Variants in ANKS1A observed in about 807,000 individuals in gnomAD.
ANKS1A encodes ankyrin repeat and SAM domain-containing protein 1A.
In ANKS1A, 55 loss-of-function variants were observed where a neutral mutation model predicts 120.3. The ratio of observed to expected loss-of-function variants is 0.46; its 90% CI spans 0.37 to 0.57. The LOEUF is 0.57. Ranked by LOEUF, ANKS1A falls within the 20% of genes least tolerant of loss-of-function variation. The pLI is 0.00. For synonymous variants in ANKS1A, 590 were observed against 604.7 expected (o/e 0.98, Z 0.36); for missense variants, 1,123 against 1,480.3 (o/e 0.76, Z 3.96).
intron 1 of ANKS1A, among the ~76,000 whole-genome samples, chr6:34,895,252 T>C (rs1481105908): frequency 6.6e-6 from 1 of 151,784 alleles, no homozygotes; most frequent in Non-Finnish European, 1.5e-5. Context: ...CTTGCTAATG[T>C]TGTCCAGGCT....
chr6:35,008,632 C>T (rs185650943), intron 10 of ANKS1A, among the ~76,000 whole-genome samples: 107 of 152,292 alleles, frequency 7.0e-4, no homozygotes, highest in Admixed American at 1.0e-3. Flanking sequence ...GGAACAAGTC[C>T]AAGCCTTATG....
chr6:34,967,195 G>C (rs80085216), intron 1 of ANKS1A, 44 bp from the exon 2 acceptor site: 1 of 1,595,886 alleles, frequency 6.3e-7, no homozygotes, highest in Admixed American at 1.7e-5. Flanking sequence ...TTGTGACTTC[G>C]GTCTGTGAAA....
chr6:35,005,567 G>A (rs1236687698), intron 10 of ANKS1A, among the ~76,000 whole-genome samples: 4 of 152,206 alleles, frequency 2.6e-5, no homozygotes, highest in African/African-American at 9.6e-5. Flanking sequence ...GGGAATTATT[G>A]AGATAAAAGC....
chr6:34,999,426 G>C (rs536333664), intron 10 of ANKS1A, among the ~76,000 whole-genome samples: 8 of 152,332 alleles, frequency 5.3e-5, no homozygotes, highest in Admixed American at 3.9e-4. Flanking sequence ...AAAAGTGTGT[G>C]TGTGCCCTTT....
intron 1 of ANKS1A, among the ~76,000 whole-genome samples, 199 bp from the exon 2 acceptor site, chr6:34,967,040 C>T (rs1266583769): frequency 2.6e-5 from 4 of 152,224 alleles, no homozygotes; most frequent in Non-Finnish European, 1.5e-5. Flanking sequence ...CTCTGTTCAG[C>T]AAACCATTGC....
At chr6:34,988,552 C>T (rs867408398) in intron 8 of ANKS1A, among the ~76,000 whole-genome samples, 47 of 152,112 alleles carry the variant, frequency 3.1e-4, no homozygotes, top group African/African-American at 9.9e-4. Flanking sequence ...GCCGAGATCG[C>T]GCCACTGCAC....
In ANKS1A at chr6:34,970,157, C is replaced by T. The variant is rs772509792; in HGVS notation, c.426C>T (p.Val142=). Residue 142 remains valine, a synonymous_variant, in exon 3 of 24, where the codon GTC becomes GTT. Transcript: ENST00000360359. Reference sequence around the variant, plus strand: ...ATCAAGGGCCTTCACACACCAGAGTCAATGAACAGGTCGGAAGGAAGGGAG... The same window carrying T: ...ATCAAGGGCCTTCACACACCAGAGTTAATGAACAGGTCGGAAGGAAGGGAG... The part of the protein sequence containing the change: ...LIHQGPSHTR[V]NEQNNDNETA... 1.6e-4 allele frequency: 259 copies of T among 1,613,130 alleles called. No individual in the cohort carries two copies. Among genetic ancestry groups the T allele is most frequent in the Non-Finnish European group, 2.2e-4 (257 of 1,179,730 alleles).
At chr6:34,978,423 C>G (rs150679804) in intron 3 of ANKS1A, among the ~76,000 whole-genome samples, 2 of 152,284 alleles carry the variant, frequency 1.3e-5, no homozygotes, top group Non-Finnish European at 2.9e-5. Context: ...GAAGGTGTGA[C>G]AGGGAAACAT....
At chr6:35,010,627 G>A (rs913724192) in intron 10 of ANKS1A, among the ~76,000 whole-genome samples, 6 of 152,198 alleles carry the variant, frequency 3.9e-5, no homozygotes, top group Admixed American at 6.5e-5. Context: ...GAAGGGGAGA[G>A]TGAGTACTGG....
At chr6:34,989,060 G>T (rs531262297) in intron 8 of ANKS1A, among the ~76,000 whole-genome samples, 164 bp from the exon 9 acceptor site, 1 of 152,292 alleles carries the variant, frequency 6.6e-6, no homozygotes, top group East Asian at 1.9e-4. Flanking sequence ...GTGTATGTAT[G>T]CACAGAGTTC....
chr6:35,069,087 CAG>C (rs1274368529), intron 13 of ANKS1A, among the ~76,000 whole-genome samples: 1 of 152,196 alleles, frequency 6.6e-6, no homozygotes, highest in Non-Finnish European at 1.5e-5. Flanking sequence ...CTCTCCAGGA[CAG>C]AGTGGGGCAG....
chr6:34,995,920 A>G (rs568776221), intron 10 of ANKS1A, among the ~76,000 whole-genome samples: 4 of 152,302 alleles, frequency 2.6e-5, no homozygotes, highest in Admixed American at 1.3e-4. Flanking sequence ...ATATGTACCT[A>G]TGAATGGGAT....
chr6:35,081,231 C>T, intron 17 of ANKS1A, 73 bp downstream of exon 17: 1 of 1,473,788 alleles, frequency 6.8e-7, no homozygotes, highest in South Asian at 1.3e-5. Flanking sequence ...CTCCCAGAAC[C>T]ACCTGCTGCC....
At chr6:35,091,517 G>A (rs953956752), downstream of ANKS1A, 2 of 760,012 alleles carry the variant, frequency 2.6e-6, no homozygotes, top group African/African-American at 1.9e-5. Context: ...ATCCTACACC[G>A]TTTGGCTGAG....
rs996299308 is a variant in ANKS1A at position 35,077,883 on chromosome 6, G to C, written c.2185-675G>C. Among the ~76,000 whole-genome samples the C allele has an allele frequency of 5.3e-4, 81 of 152,324 alleles. 2 individuals carry two copies. Among genetic ancestry groups the C allele is most frequent in the Non-Finnish European group, 8.8e-5 (6 of 68,024 alleles). ...AGCTCTCGGCCCTGTCATATAGTAA[G>C]AAAGGAGCAGGAGCACCAGCCTCCG... is the stretch of plus-strand genomic sequence containing the variant. On this transcript the variant is annotated intron_variant, in intron 13 of 23. Transcript: ENST00000360359.
chr6:35,014,514 A>G (rs1360296977), intron 10 of ANKS1A, among the ~76,000 whole-genome samples: 1 of 151,858 alleles, frequency 6.6e-6, no homozygotes, highest in Non-Finnish European at 1.5e-5. Flanking sequence ...TCTCTCTTTC[A>G]TCATTGATAG....
At chr6:34,976,397 T>G (rs1771586766) in intron 3 of ANKS1A, among the ~76,000 whole-genome samples, 1 of 152,188 alleles carries the variant, frequency 6.6e-6, no homozygotes, top group Admixed American at 6.5e-5. Context: ...CAGCCAAATG[T>G]AAATTATCCT....
intron 8 of ANKS1A, 72 bp downstream of exon 8, chr6:34,985,350 G>T: frequency 6.8e-7 from 1 of 1,475,796 alleles, no homozygotes; most frequent in East Asian, 2.3e-5. Flanking sequence ...TGGGGCACGG[G>T]GAAGGGAAGT....
rs1778297004 is a variant in ANKS1A, at chr6:35,091,379, T to TTAA, written c.*2774_*2776dup. On this transcript the variant is annotated 3_prime_UTR_variant, in exon 24 of 24. Transcript: ENST00000360359. ...TGTACACAACTTAGAACAGACTGAA[T>TTAA]TAATAAATGAGAAGCGACATGAACG... 1 of 985,510 alleles carries TTAA rather than the reference T, an allele frequency of 1.0e-6. No homozygotes were observed. The highest frequency in any genetic ancestry group is 1.7e-5 in the African/African-American group (1 of 57,374). 61.0% of individuals were successfully genotyped at this position (985,510 alleles called of 1,614,324 possible). A position where few individuals can be genotyped will look rare whatever the true frequency, so the allele number is the denominator to read the frequency against.
Sources: gnomAD v4.1 joint callset for allele counts (sites outside exome capture counted in the v4.1 genomes callset) on GRCh38, gnomAD v4.1.1 for gene constraint, MANE v1.5 for transcripts, NCBI Gene and HGNC (gene_info 2026-07-23, HGNC 2026-07-21) for gene names.